Variants in NEB observed in about 807,000 individuals in gnomAD.
NEB encodes the protein nemaline myopathy type 2.
NEB carries 512 observed loss-of-function variants against 952.2 expected under a neutral mutation model. That is an observed-to-expected ratio of 0.54 (90% confidence interval 0.50 to 0.58). The LOEUF is 0.58. Among genes scored for constraint, NEB ranks in the 20% least tolerant of loss-of-function variants. NEB has a pLI of 0.00. For missense variants in NEB, 8,428 were observed against 9,231.1 expected (o/e 0.91, Z 3.56); for synonymous variants, 2,900 against 3,149.8 (o/e 0.92, Z 2.66).
chr2:151,677,902 T>C lies in NEB; in HGVS notation c.3541A>G (p.Lys1181Glu), dbSNP rs749655119. 1.9e-6 allele frequency: 3 copies of C among 1,612,768 alleles called. No homozygotes were observed. Among genetic ancestry groups the C allele is most frequent in the South Asian group, 2.2e-5 (2 of 90,904 alleles). Residue 1181 changes from lysine (K) to glutamate (E), a missense_variant, in exon 33 of 182, where the codon AAG becomes GAG. Transcript: ENST00000397345. ...LPDAMDLELS[K>E]NMMQIQSDNV... ...TCACTCTGTATCTGCATCATGTTCT[T>C]AGACAGCTCCAGGTCCATGGCGTCA...
rs774834421 is a variant in NEB, at chr2:151,717,493, G to C, written c.745C>G (p.Gln249Glu). The C allele has an allele frequency of 6.2e-6, 10 of 1,613,874 alleles. No homozygotes were observed. Among genetic ancestry groups the C allele is most frequent in the Middle Eastern group, 1.6e-4 (1 of 6,062 alleles). ...DVAYKKGLAEQQAQFTPLADP... is the reference protein window; with the variant it reads ...DVAYKKGLAEEQAQFTPLADP... ...GCCAGAGGCGTGAATTGAGCTTGCT[G>C]TTCAGCGAGACCTTTTTTGTAGGCA... Residue 249 changes from glutamine (Q) to glutamate (E), a missense_variant, in exon 10 of 182, where the codon CAG becomes GAG. Around this residue, in one of 11 missense-constraint regions of NEB, gnomAD observed 2,851 missense variants for 2,791.5 expected, o/e 1.02. Coordinates refer to ENST00000397345, the MANE Select transcript of NEB (RefSeq NM_001164508.2).
At chr2:151,532,991 C>T (rs1409448787) in intron 143 of NEB, among the ~76,000 whole-genome samples, 1 of 152,104 alleles carries the variant, frequency 6.6e-6, no homozygotes, top group African/African-American at 2.4e-5. Flanking sequence ...TGAATATATA[C>T]AATATTCATA....
intron 130 of NEB, 64 bp from the exon 131 acceptor site, chr2:151,548,479 C>A: frequency 1.7e-6 from 2 of 1,145,466 alleles, no homozygotes; most frequent in Non-Finnish European, 2.6e-6. Context: ...TACATTTCTC[C>A]AAATAGAAAA....
intron 153 of NEB, 40 bp from the exon 154 acceptor site, chr2:151,519,808 C>CA: frequency 7.3e-7 from 1 of 1,363,332 alleles, no homozygotes; most frequent in Non-Finnish European, 1.0e-6. Context: ...TCCTGGACAT[C>CA]AATCAATTTG....
chr2:151,687,755 A>T, intron 25 of NEB, 22 bp from the exon 26 acceptor site: 3 of 1,550,470 alleles, frequency 1.9e-6, no homozygotes, highest in Non-Finnish European at 2.6e-6. Flanking sequence ...AAATTCAGCA[A>T]AGGAATGATA....
intron 92 of NEB, among the ~76,000 whole-genome samples, chr2:151,594,911 T>C (rs1273691301): frequency 5.2e-4 from 17 of 32,714 alleles, no homozygotes; most frequent in Non-Finnish European, 7.2e-4. Context: ...GTTTCAAGGA[T>C]GGAAAGCAAG....
chr2:151,538,540 G>A (rs2093586121), intron 138 of NEB, among the ~76,000 whole-genome samples: 1 of 151,978 alleles, frequency 6.6e-6, no homozygotes, highest in Admixed American at 6.6e-5. Context: ...TGTTCCCCTG[G>A]GTGTGGGGCA....
intron 34 of NEB, among the ~76,000 whole-genome samples, chr2:151,675,852 A>G (rs949686820): frequency 6.6e-6 from 1 of 152,192 alleles, no homozygotes; most frequent in Admixed American, 6.5e-5. Flanking sequence ...TAATTTCCTC[A>G]TAATGTAGAG....
intron 105 of NEB, among the ~76,000 whole-genome samples, chr2:151,578,793 C>G (rs1292866494): frequency 6.8e-6 from 1 of 146,404 alleles, no homozygotes; most frequent in Non-Finnish European, 1.5e-5. Context: ...GAAGGAAGGG[C>G]GGGCAAGGCT....
intron 39 of NEB, among the ~76,000 whole-genome samples, chr2:151,668,419 T>C (rs991826971): frequency 2.6e-5 from 4 of 152,170 alleles, no homozygotes; most frequent in Admixed American, 1.3e-4. Context: ...CACAGGAATG[T>C]ATAGTTGGAT....
At chr2:151,642,946 G>A in intron 58 of NEB, 77 bp from the exon 59 acceptor site, 2 of 1,298,408 alleles carry the variant, frequency 1.5e-6, no homozygotes, top group African/African-American at 1.5e-5. Flanking sequence ...TTTTTAATGA[G>A]AATCAAGAAT....
At chr2:151,657,169 G>A (rs543891880) in intron 48 of NEB, among the ~76,000 whole-genome samples, 5 of 152,256 alleles carry the variant, frequency 3.3e-5, no homozygotes, top group East Asian at 1.9e-4. Flanking sequence ...TTACTCCAGC[G>A]TAATAGAGGG....
chr2:151,522,834 G>A (rs371069626), intron 153 of NEB, among the ~76,000 whole-genome samples: 4 of 152,232 alleles, frequency 2.6e-5, no homozygotes, highest in African/African-American at 7.2e-5. Flanking sequence ...GAGGTATTCC[G>A]CCTAGAGTAC....
In NEB at chr2:151,719,697, G is replaced by A. The variant is rs117911815; in HGVS notation, c.718-2177C>T. Among the ~76,000 whole-genome samples, 588 of 152,162 alleles carry A rather than the reference G, an allele frequency of 3.9e-3. 10 individuals are homozygous for A. The East Asian group carries it at 0.057, about 15-fold the overall frequency. ...GGTTCAAGACCAGCCAGGGCAATAC[G>A]GTGAAACCCTGTCTCTACCAAAAAT... On this transcript the variant is annotated intron_variant, in intron 9 of 181. Transcript: ENST00000397345.
At chr2:151,545,129 A>G (rs2094520112) in intron 135 of NEB, among the ~76,000 whole-genome samples, 1 of 152,212 alleles carries the variant, frequency 6.6e-6, no homozygotes, top group South Asian at 2.1e-4. Flanking sequence ...AAATGAAACT[A>G]AGTAGTCTGA....
In NEB at chr2:151,492,235, G is replaced by A; in HGVS notation, c.24920C>T (p.Pro8307Leu). 6.2e-7 allele frequency: 1 copy of A among 1,613,792 alleles called. No homozygotes were observed. The highest frequency in any genetic ancestry group is 8.5e-7 in the Non-Finnish European group (1 of 1,179,830). ...DFEKHKGCFT[P>L]VVTDPITERV... ...TTCAGTGATAGGATCTGTCACCACT[G>A]GTGTGAAGCAACCCTTGTGTTTCTC... Residue 8307 changes from proline (P) to leucine (L), a missense_variant, in exon 178 of 182, where the codon CCA becomes CTA. Coordinates refer to ENST00000397345, the MANE Select transcript of NEB (RefSeq NM_001164508.2).
intron 107 of NEB, among the ~76,000 whole-genome samples, chr2:151,570,817 CTTTT>C (rs1264367891): frequency 6.6e-6 from 1 of 151,986 alleles, no homozygotes; most frequent in Admixed American, 6.6e-5. Context: ...AATCTCCTTT[CTTTT>C]GTTTTTATTA....
intron 142 of NEB, chr2:151,534,436 A>G: frequency 1.2e-6 from 1 of 805,260 alleles, no homozygotes; most frequent in Non-Finnish European, 2.1e-6. Context: ...CGGGCTCCCA[A>G]CATACCCAAG....
intron 148 of NEB, 105 bp downstream of exon 148, chr2:151,526,813 G>T: frequency 1.2e-6 from 1 of 857,992 alleles, no homozygotes; most frequent in Non-Finnish European, 1.9e-6. Flanking sequence ...CCTGAGCCCT[G>T]ATGGAAGCAG....
Sources: gnomAD v4.1 joint callset for allele counts (sites outside exome capture counted in the v4.1 genomes callset) on GRCh38, gnomAD v4.1.1 for gene constraint, gnomAD v4.1.1 regional missense constraint, MANE v1.5 for transcripts, NCBI Gene and HGNC (gene_info 2026-07-23, HGNC 2026-07-21) for gene names.